The following GALNT16 variants were observed in gnomAD, a reference collection of about 807,000 sequenced individuals.
GALNT16 encodes the protein UDP-GalNAc:polypeptide N-acetylgalactosaminyltransferase-like protein 1.
A neutral mutation model predicts 76.1 loss-of-function variants in GALNT16; 40 were observed. The ratio of observed to expected loss-of-function variants is 0.53; its 90% CI spans 0.41 to 0.68. The LOEUF (loss-of-function observed/expected upper bound fraction) is 0.68. Ranked by LOEUF, GALNT16 falls within the 30% of genes least tolerant of loss-of-function variation. The pLI is 0.00. For synonymous variants in GALNT16, 276 were observed against 285.2 expected, an observed-to-expected ratio of 0.97 and a Z score of 0.32; for missense variants, 621 against 731.9, an observed-to-expected ratio of 0.85 and a Z score of 1.75.
chr14:69,280,432 T>C (rs2044525625), intron 1 of GALNT16, among the ~76,000 whole-genome samples: 2 of 152,206 alleles, frequency 1.3e-5, no homozygotes. Flanking sequence ...ATTTTGTTTA[T>C]CCATTCATCC....
chr14:69,312,097 C>A (rs2045034419), intron 1 of GALNT16, among the ~76,000 whole-genome samples: 1 of 150,236 alleles, frequency 6.7e-6, no homozygotes, highest in Non-Finnish European at 1.5e-5. Context: ...ATCTATCTAT[C>A]TATCTATATC....
intron 10 of GALNT16, 60 bp from the exon 11 acceptor site, chr14:69,339,467 C>T: frequency 1.0e-6 from 1 of 983,778 alleles, no homozygotes; most frequent in Non-Finnish European, 1.7e-6. Flanking sequence ...AATCTTGATC[C>T]TGACCGCTAA....
intron 6 of GALNT16, among the ~76,000 whole-genome samples, chr14:69,329,988 G>T (rs981691823): frequency 6.6e-6 from 1 of 152,172 alleles, no homozygotes; most frequent in Non-Finnish European, 1.5e-5. Context: ...TTGCTGGCAG[G>T]AATGTAAAGT....
chr14:69,370,381 G>A, the GALNT16 span, among the ~76,000 whole-genome samples: 2 of 152,184 alleles, frequency 1.3e-5, no homozygotes, highest in East Asian at 3.8e-4. Context: ...GTGGGGCAGC[G>A]TATCCAGGTG....
chr14:69,264,218 G>A (rs372385885), intron 1 of GALNT16, among the ~76,000 whole-genome samples: 5 of 152,182 alleles, frequency 3.3e-5, no homozygotes, highest in South Asian at 2.1e-4. Context: ...ATTTAGGCAA[G>A]AATTTCTTAA....
chr14:69,322,925 GGTGTGTGT>G (rs766188989), intron 2 of GALNT16, among the ~76,000 whole-genome samples: 1,378 of 103,836 alleles, frequency 0.013, 28 homozygotes, highest in Non-Finnish European at 0.018. Flanking sequence ...TGGCTCACGG[GGTGTGTGT>G]GTGTGTGTGT....
chr14:69,264,780 C>G (rs374820299), intron 1 of GALNT16, among the ~76,000 whole-genome samples: 1 of 127,854 alleles, frequency 7.8e-6, no homozygotes, highest in Non-Finnish European at 1.6e-5. Context: ...TTTTTCTTTT[C>G]TTTCTTTTCT....
At chr14:69,299,318 T>G (rs1377842306) in intron 1 of GALNT16, among the ~76,000 whole-genome samples, 2 of 152,184 alleles carry the variant, frequency 1.3e-5, no homozygotes, top group Non-Finnish European at 2.9e-5. Flanking sequence ...ATTTGCTCCC[T>G]AAGGGATCTC....
the GALNT16 span, among the ~76,000 whole-genome samples, chr14:69,363,218 C>T: frequency 2.0e-5 from 3 of 152,130 alleles, no homozygotes; most frequent in South Asian, 6.2e-4. Flanking sequence ...TTGTGGGGGC[C>T]GTAGAGCACG....
intron 1 of GALNT16, among the ~76,000 whole-genome samples, chr14:69,273,492 G>A (rs1372520953): frequency 6.6e-6 from 1 of 152,186 alleles, no homozygotes; most frequent in African/African-American, 2.4e-5. Context: ...TAAAGGGCTT[G>A]GAAAGGGACC....
intron 1 of GALNT16, chr14:69,298,578 C>T (rs1440849602): frequency 1.3e-5 from 2 of 152,316 alleles, no homozygotes; most frequent in African/African-American, 4.8e-5. Context: ...GGCAACTTCC[C>T]CTGCAGTTGC....
At chr14:69,376,372 G>A in the GALNT16 span, among the ~76,000 whole-genome samples, 2 of 152,096 alleles carry the variant, frequency 1.3e-5, no homozygotes, top group African/African-American at 2.4e-5. Context: ...TGAGCTCTGA[G>A]AATTGTTCTT....
chr14:69,329,436 G>A (rs749287161), intron 6 of GALNT16, among the ~76,000 whole-genome samples: 20 of 152,174 alleles, frequency 1.3e-4, no homozygotes, highest in Non-Finnish European at 2.4e-4. Flanking sequence ...CCTAGGAAAA[G>A]ATGCTCAGCA....
At chr14:69,302,374 TTCTC>T (rs1405313788) in intron 1 of GALNT16, among the ~76,000 whole-genome samples, 12 of 152,216 alleles carry the variant, frequency 7.9e-5, no homozygotes, top group African/African-American at 1.9e-4. Flanking sequence ...GTCTCTCTCA[TTCTC>T]TCTTTCTCTG....
At chr14:69,296,904 G>C (rs930141099) in intron 1 of GALNT16, among the ~76,000 whole-genome samples, 2 of 152,124 alleles carry the variant, frequency 1.3e-5, no homozygotes, top group African/African-American at 4.8e-5. Flanking sequence ...TTTGTACCTT[G>C]ATTTCTTTTT....
chr14:69,300,190 G>T, intron 1 of GALNT16, among the ~76,000 whole-genome samples: 1 of 152,212 alleles, frequency 6.6e-6, no homozygotes, highest in South Asian at 2.1e-4. Flanking sequence ...TCCCCTTGAA[G>T]AACTTGTATT....
Position 69,260,586 on chromosome 14 carries a change from G to A in GALNT16, c.177+119G>A, listed in dbSNP as rs533124251. On this transcript the variant is annotated intron_variant, in intron 1 of 14. Coordinates refer to ENST00000448469, the MANE Select transcript of GALNT16 (RefSeq NM_001168368.2). ...GCTGAGTGCCCGCTGCGCCGGGCCG[G>A]CTTTGTATATGTTGGAGCATTCCTG... 28 of 673,238 alleles carry A rather than the reference G, an allele frequency of 4.2e-5. 1 individual carries two copies. In the South Asian group the frequency reaches 1.7e-3, roughly 40 times the overall value. 41.7% of individuals were successfully genotyped at this position (673,238 alleles called of 1,614,324 possible). A position where few individuals can be genotyped will look rare whatever the true frequency, so the allele number is the denominator to read the frequency against.
Position 69,333,581 on chromosome 14 carries a change from C to A in GALNT16, c.948C>A (p.Ile316=). Residue 316 remains isoleucine (I), a synonymous_variant, in exon 9 of 15, where the codon ATC becomes ATA. Transcript: ENST00000448469. This position sits in a 1 kb window ranked among gnomAD's most constrained non-coding sequence, Gnocchi z 4.2. ...HLGKYDAQMD[I]WGGENFELSF... ...GAAAGTATGATGCCCAGATGGACAT[C>A]TGGGGGGGAGAGAATTTTGGTGAGT... 6.3e-7 allele frequency: 1 copy of A among 1,579,632 alleles called. No individual in the cohort carries two copies. Among genetic ancestry groups the A allele is most frequent in the Non-Finnish European group, 8.7e-7 (1 of 1,153,260 alleles).
At chr14:69,312,508 T>C (rs889352101) in intron 1 of GALNT16, among the ~76,000 whole-genome samples, 1 of 152,102 alleles carries the variant, frequency 6.6e-6, no homozygotes, top group Non-Finnish European at 1.5e-5. Flanking sequence ...CCAGGTTGTT[T>C]GAGGGACTGG....
Sources: allele counts gnomAD v4.1 joint callset (sites outside exome capture counted in the v4.1 genomes callset), GRCh38; gene constraint gnomAD v4.1.1; non-coding constraint Gnocchi (gnomAD v3.1); transcripts MANE v1.5; gene names NCBI Gene and HGNC (gene_info 2026-07-23, HGNC 2026-07-21).